VMA12: variants seen among roughly 807,000 people sequenced by gnomAD.
VMA12 encodes the protein vacuolar ATPase assembly protein VMA12.
At chr17:28,358,024 A>G in the VMA12 span, 1 of 815,756 alleles carries the variant, frequency 1.2e-6, no homozygotes, top group Non-Finnish European at 1.9e-6. Flanking sequence ...AGGGCCACCC[A>G]CTTTCTTAAC....
the VMA12 span, chr17:28,359,563 A>C: frequency 3.0e-5 from 18 of 591,150 alleles, no homozygotes; most frequent in Non-Finnish European, 4.0e-5. Flanking sequence ...TTCCCATCTC[A>C]TTCACTGAGA....
At chr17:28,358,307 A>G in the VMA12 span, 1,217 of 425,080 alleles carry the variant, frequency 2.9e-3, 17 homozygotes, top group African/African-American at 0.024. Context: ...TTGTTTTTTT[A>G]ATATAGGATG....
chr17:28,360,488 G>A, the VMA12 span: 128 of 1,600,824 alleles, frequency 8.0e-5, no homozygotes, highest in Middle Eastern at 5.0e-4. Context: ...TGCTCTCTGA[G>A]CTGCTTCTAT....
At chr17:28,359,012 A>C in the VMA12 span, 1 of 1,588,978 alleles carries the variant, frequency 6.3e-7, no homozygotes, top group Non-Finnish European at 8.6e-7. Context: ...TATGTTTGTG[A>C]GAGTGGTTAT....
chr17:28,360,391 C>A, the VMA12 span: 2 of 794,558 alleles, frequency 2.5e-6, no homozygotes, highest in Non-Finnish European at 2.0e-6. Flanking sequence ...AGAAAAGAGT[C>A]AAAATGGTTC....
chr17:28,358,295 G>GT, the VMA12 span: 3 of 422,726 alleles, frequency 7.1e-6, no homozygotes, highest in African/African-American at 6.2e-5. Flanking sequence ...TGTTTTGTTT[G>GT]TTTGTTTTTT....
the VMA12 span, chr17:28,358,430 ATGTG>A: frequency 2.1e-6 from 1 of 471,994 alleles, no homozygotes; most frequent in African/African-American, 2.0e-5. Flanking sequence ...CAGTTCCCTT[ATGTG>A]TAAAGGGAAG....
At chr17:28,363,566 C>A in the VMA12 span, 1 of 152,284 alleles carries the variant, frequency 6.6e-6, no homozygotes, top group East Asian at 1.9e-4. Flanking sequence ...GATGGTGATA[C>A]CAAAACCCAA....
At chr17:28,358,291 G>T in the VMA12 span, 1 of 419,484 alleles carries the variant, frequency 2.4e-6, no homozygotes, top group Non-Finnish European at 4.9e-6. Context: ...ACTTTGTTTT[G>T]TTTGTTTGTT....
At chr17:28,360,721 G>A in the VMA12 span, 2 of 1,613,324 alleles carry the variant, frequency 1.2e-6, no homozygotes, top group Non-Finnish European at 1.7e-6. Context: ...GCCCTCTCTG[G>A]CTCCTCCCCA....
At chr17:28,361,172 T>C in the VMA12 span, 104 of 1,614,050 alleles carry the variant, frequency 6.4e-5, 1 homozygote, top group Non-Finnish European at 8.0e-5. Context: ...GCTAGCTGCA[T>C]TGATCGTCGC....
At chr17:28,361,185 C>T in the VMA12 span, 3 of 1,614,090 alleles carry the variant, frequency 1.9e-6, no homozygotes, top group Non-Finnish European at 2.5e-6. Context: ...ATCGTCGCCT[C>T]TGTGGTGGGT....
At chr17:28,363,450 A>G in the VMA12 span, 1 of 152,014 alleles carries the variant, frequency 6.6e-6, no homozygotes, top group South Asian at 2.1e-4. Context: ...ATGGAGATAA[A>G]TTTCCATGGC....
chr17:28,358,025 C>T, the VMA12 span: 1 of 815,786 alleles, frequency 1.2e-6, no homozygotes, highest in African/African-American at 1.7e-5. Flanking sequence ...GGGCCACCCA[C>T]TTTCTTAACT....
the VMA12 span, chr17:28,357,834 T>C: frequency 1.2e-6 from 2 of 1,614,002 alleles, no homozygotes; most frequent in Non-Finnish European, 1.7e-6. Context: ...CAACGCTTGG[T>C]TTCTTTCCGT....
the VMA12 span, chr17:28,357,929 A>C: frequency 6.3e-7 from 1 of 1,598,732 alleles, no homozygotes; most frequent in Non-Finnish European, 8.6e-7. Context: ...GTCCAGATCG[A>C]TTCCCTCCTG....
chr17:28,358,840 G>C, the VMA12 span: 8 of 1,165,750 alleles, frequency 6.9e-6, no homozygotes, highest in Non-Finnish European at 9.9e-6. Context: ...TAGAAAGAAG[G>C]GCTACACCCC....
chr17:28,361,029 C>G, the VMA12 span: 1 of 981,720 alleles, frequency 1.0e-6, no homozygotes, highest in South Asian at 1.5e-5. Flanking sequence ...GGAGAAGCCA[C>G]ATTCTCTTTT....
the VMA12 span, chr17:28,359,460 C>T: frequency 6.6e-7 from 1 of 1,517,708 alleles, no homozygotes; most frequent in East Asian, 2.3e-5. Flanking sequence ...TAGGGCCCTG[C>T]AGTGGAAGAA....
Sources: gnomAD v4.1 joint callset for allele counts on GRCh38, gnomAD v4.1.1 for gene constraint, MANE v1.5 for transcripts, NCBI Gene and HGNC (gene_info 2026-07-23, HGNC 2026-07-21) for gene names.